Variants in SDK2 observed in about 807,000 individuals in gnomAD.
The protein encoded by SDK2 is protein sidekick-2.
A neutral mutation model predicts 253.9 loss-of-function variants in SDK2; 105 were observed. The ratio of observed to expected loss-of-function variants is 0.41; its 90% CI spans 0.35 to 0.49. The LOEUF (loss-of-function observed/expected upper bound fraction) is 0.49. Ranked by LOEUF, SDK2 falls within the 20% of genes least tolerant of loss-of-function variation. The pLI is 0.06. For synonymous variants in SDK2, 1,249 were observed against 1,234.9 expected (o/e 1.01, Z -0.24); for missense variants, 2,608 against 3,003.0 (o/e 0.87, Z 3.07).
chr17:73,635,686 C>T (rs1032555410), intron 1 of SDK2, among the ~76,000 whole-genome samples: 3 of 152,216 alleles, frequency 2.0e-5, no homozygotes, highest in African/African-American at 7.2e-5. Context: ...TAGCTTCCTA[C>T]ATGGCATCAA....
At chr17:73,362,685 C>T (rs766973192) in intron 38 of SDK2, among the ~76,000 whole-genome samples, 2 of 152,146 alleles carry the variant, frequency 1.3e-5, no homozygotes, top group Non-Finnish European at 2.9e-5. Context: ...ACCACTATGC[C>T]CAGTCCACCA....
At position 73,467,376 on chromosome 17, in the gene SDK2, C is replaced by T. The variant is rs575746419; in HGVS notation, c.331+4736G>A. On this transcript the variant is annotated intron_variant, in intron 3 of 44. Transcript: ENST00000392650. This position sits in a 1 kb window ranked among gnomAD's most constrained non-coding sequence, Gnocchi z 4.1. ...TGTGACTTAGACAAGGTGTGTCACCCGGCCGAGCCTCGGTTTCCTCATCTG... is the reference window on the plus strand; with the variant it reads ...TGTGACTTAGACAAGGTGTGTCACCTGGCCGAGCCTCGGTTTCCTCATCTG... 2.0e-4 allele frequency among the ~76,000 whole-genome samples: 31 copies of T among 152,214 alleles called. No individual in the cohort carries two copies. The highest frequency in any genetic ancestry group is 5.8e-4 in the African/African-American group (24 of 41,532).
At chr17:73,525,483 A>T (rs866011755) in intron 1 of SDK2, among the ~76,000 whole-genome samples, 8 of 152,152 alleles carry the variant, frequency 5.3e-5, no homozygotes, top group African/African-American at 1.7e-4. Context: ...CACGTGGTCC[A>T]AAAAAGCCCC....
rs2063429990 is a variant in SDK2, at chr17:73,443,358, C to T, written c.614-2435G>A. Among the ~76,000 whole-genome samples, 1 of 152,236 alleles carries T rather than the reference C, an allele frequency of 6.6e-6. No homozygotes were observed. Among genetic ancestry groups the T allele is most frequent in the Non-Finnish European group, 1.5e-5 (1 of 68,046 alleles). ...AGCCTCATGTAGGTGCCATAACGAG[C>T]GATCGGATTGAAAGCTGCTGATATA... On this transcript the variant is annotated intron_variant, in intron 5 of 44. Transcript: ENST00000392650. The surrounding 1 kb of genome is among the most constrained non-coding windows in gnomAD (Gnocchi z 4.6).
At chr17:73,556,497 A>G (rs1299954263) in intron 1 of SDK2, among the ~76,000 whole-genome samples, 1 of 152,194 alleles carries the variant, frequency 6.6e-6, no homozygotes, top group Admixed American at 6.5e-5. Flanking sequence ...GAGGCTGTGT[A>G]TGGTCAGATG....
At position 73,390,306 on chromosome 17, in the gene SDK2, C is replaced by CGTATCATTAAAAAA; in HGVS notation, c.4172_4173insTTTTTTAATGATAC (p.Val1392PhefsTer6). 2 of 1,589,366 alleles carry CGTATCATTAAAAAA rather than the reference C, an allele frequency of 1.3e-6. No homozygotes were observed. The highest frequency in any genetic ancestry group is 1.7e-6 in the Non-Finnish European group (2 of 1,171,354). On this transcript the variant is annotated frameshift_variant, in exon 29 of 45. Transcript: ENST00000392650. LOFTEE classifies it high-confidence loss of function. ...AGTCACCTCTCTTCTCGGTGGTCAC[C>CGTATCATTAAAAAA]ACCAAGGCCTCGGCAGCTTCTCCCC...
chr17:73,479,713 C>T (rs1302130898), intron 2 of SDK2, among the ~76,000 whole-genome samples: 1 of 152,062 alleles, frequency 6.6e-6, no homozygotes, highest in Non-Finnish European at 1.5e-5. Flanking sequence ...ATTTTTGAGA[C>T]AGAGTCTCGC....
chr17:73,453,799 C>T (rs1455077020), intron 4 of SDK2, among the ~76,000 whole-genome samples: 1 of 152,144 alleles, frequency 6.6e-6, no homozygotes, highest in Non-Finnish European at 1.5e-5. Context: ...ATTTCTGATG[C>T]TCAAATTCCA....
intron 3 of SDK2, among the ~76,000 whole-genome samples, chr17:73,469,160 G>A (rs553750496): frequency 6.6e-6 from 1 of 152,298 alleles, no homozygotes; most frequent in African/African-American, 2.4e-5. Context: ...GCCTGTCATG[G>A]TGATGAGCCC....
At chr17:73,603,231 G>C (rs1367146931) in intron 1 of SDK2, among the ~76,000 whole-genome samples, 6 of 152,200 alleles carry the variant, frequency 3.9e-5, no homozygotes, top group African/African-American at 1.4e-4. Flanking sequence ...CCCGGCCTCA[G>C]AGACCTCCCT....
intron 1 of SDK2, among the ~76,000 whole-genome samples, chr17:73,621,469 T>C (rs1444561987): frequency 6.6e-6 from 1 of 152,120 alleles, no homozygotes; most frequent in Non-Finnish European, 1.5e-5. Context: ...CCTGAAATGA[T>C]GAGATGTTGA....
At position 73,348,716 on chromosome 17, in the gene SDK2, G is replaced by C. The variant is rs191673430; in HGVS notation, c.6048C>G (p.Pro2016=). 8 of 1,605,780 alleles carry C rather than the reference G, an allele frequency of 5.0e-6. No homozygotes were observed. Among genetic ancestry groups the C allele is most frequent in the South Asian group, 1.1e-5 (1 of 90,888 alleles). ...AGTGCAGGCTGCCTGGGCTGGGCCT[G>C]GGGGGAGACCTGGAGAGAGCGGGGG... ...RKNGLYTRSP[P]RPSPGSLHYS... The change falls in exon 44 of 45, where the codon CCC becomes CCG. Residue 2016 remains proline (P), a synonymous_variant. Transcript: ENST00000392650.
chr17:73,590,041 G>T (rs880718), intron 1 of SDK2, among the ~76,000 whole-genome samples: 3 of 152,154 alleles, frequency 2.0e-5, no homozygotes, highest in African/African-American at 7.2e-5. Context: ...TGGCCAGAAA[G>T]GATACAGCCA....
intron 18 of SDK2, among the ~76,000 whole-genome samples, chr17:73,407,264 AGT>A (rs1208265241): frequency 1.3e-5 from 2 of 152,184 alleles, no homozygotes; most frequent in African/African-American, 4.8e-5. Flanking sequence ...TATATATAAT[AGT>A]CTGGAACATC....
chr17:73,418,731 CTG>C (rs1233318340), intron 16 of SDK2, among the ~76,000 whole-genome samples: 8 of 152,314 alleles, frequency 5.3e-5, no homozygotes, highest in Admixed American at 3.9e-4. Flanking sequence ...GTCTGTATAA[CTG>C]GGCTTCATTT....
intron 2 of SDK2, among the ~76,000 whole-genome samples, chr17:73,498,019 G>C (rs1245536936): frequency 6.6e-6 from 1 of 152,142 alleles, no homozygotes; most frequent in Non-Finnish European, 1.5e-5. Context: ...TTCCCCAGTG[G>C]AATCTGTTTG....
intron 32 of SDK2, among the ~76,000 whole-genome samples, chr17:73,384,747 C>T (rs141364260): frequency 7.2e-4 from 109 of 152,256 alleles, no homozygotes; most frequent in Non-Finnish European, 1.1e-3. Context: ...AGCTGGGAGG[C>T]GGAGGTTGCA....
Position 73,431,701 on chromosome 17 carries a change from T to G in SDK2, c.1313-32A>C. On this transcript the variant is annotated intron_variant, in intron 10 of 44. Coordinates refer to ENST00000392650, the MANE Select transcript of SDK2 (RefSeq NM_001144952.2). The surrounding 1 kb of genome is among the most constrained non-coding windows in gnomAD (Gnocchi z 5.6). Reference sequence around the variant, plus strand: ...GCAAAACAGGGTGGGGGTCAGCCTGTAGCCCCCAAGGGCACACCCTGCCCT... The same window carrying G: ...GCAAAACAGGGTGGGGGTCAGCCTGGAGCCCCCAAGGGCACACCCTGCCCT... 1 of 1,570,690 alleles carries G rather than the reference T, an allele frequency of 6.4e-7. No individual in the cohort carries two copies. Among genetic ancestry groups the G allele is most frequent in the Non-Finnish European group, 8.6e-7 (1 of 1,157,930 alleles).
intron 36 of SDK2, among the ~76,000 whole-genome samples, chr17:73,375,684 T>C (rs890121760): frequency 2.1e-4 from 31 of 151,204 alleles, no homozygotes; most frequent in African/African-American, 6.5e-4. Flanking sequence ...GGTGAAACCC[T>C]GTCTCTACTA....
Sources: gnomAD v4.1 joint callset for allele counts (sites outside exome capture counted in the v4.1 genomes callset) on GRCh38, gnomAD v4.1.1 for gene constraint, Gnocchi (gnomAD v3.1) non-coding constraint, MANE v1.5 for transcripts, NCBI Gene and HGNC (gene_info 2026-07-23, HGNC 2026-07-21) for gene names.